Variants in FAAP20 observed in about 807,000 individuals in gnomAD.
FAAP20 encodes Fanconi anemia core complex-associated protein 20.
FAAP20 carries 12 observed loss-of-function variants against 16.2 expected under a neutral mutation model. The ratio of observed to expected loss-of-function variants is 0.74; its 90% CI spans 0.48 to 1.20. The LOEUF (loss-of-function observed/expected upper bound fraction) is 1.20. FAAP20 is among the 50% of genes most tolerant of loss of function. The pLI is 0.00. For synonymous variants in FAAP20, 141 were observed against 110.7 expected (o/e 1.27, Z -1.72); for missense variants, 288 against 245.8 (o/e 1.17, Z -1.15).
upstream of FAAP20, chr1:2,198,450 C>T (rs1229461390): frequency 7.7e-6 from 3 of 387,452 alleles, no homozygotes; most frequent in African/African-American, 2.1e-5. Context: ...GTCAGGGAGC[C>T]AGGCCTCTCC....
At chr1:2,185,043 T>C, downstream of FAAP20, 1 of 1,565,562 alleles carries the variant, frequency 6.4e-7, no homozygotes, top group East Asian at 2.3e-5. Flanking sequence ...ACACGCGTGA[T>C]TGACCCTTTA....
chr1:2,187,297 C>A (rs1357582935), downstream of FAAP20: 2 of 368,066 alleles, frequency 5.4e-6, no homozygotes, highest in Non-Finnish European at 1.1e-5. Context: ...TTTTTTTTTT[C>A]TTTTTCTTTT....
downstream of FAAP20, among the ~76,000 whole-genome samples, chr1:2,208,057 CCAAGG>C: frequency 6.6e-6 from 1 of 152,288 alleles, no homozygotes; most frequent in Middle Eastern, 3.4e-3. Flanking sequence ...GGGCTGGACA[CCAAGG>C]CCCGTCTTGG....
At chr1:2,187,014 A>G (rs1234325515), downstream of FAAP20, 1 of 310,816 alleles carries the variant, frequency 3.2e-6, no homozygotes, top group Non-Finnish European at 6.9e-6. Context: ...ATATTTGCTA[A>G]TGGCTCCGGT....
chr1:2,185,161 T>G, downstream of FAAP20: 1 of 778,838 alleles, frequency 1.3e-6, no homozygotes, highest in Admixed American at 2.1e-5. Context: ...CAGCGGGCGC[T>G]GCTGGGAGCA....
chr1:2,192,878 G>A (rs1176253505), intron 3 of FAAP20: 1 of 1,298,216 alleles, frequency 7.7e-7, no homozygotes, highest in Non-Finnish European at 1.0e-6. Context: ...GGGATTACAG[G>A]CGTGAGCCAC....
At chr1:2,211,933 T>C (rs865996842), downstream of FAAP20, among the ~76,000 whole-genome samples, 159 of 138,974 alleles carry the variant, frequency 1.1e-3, no homozygotes, top group South Asian at 1.6e-3. Flanking sequence ...GACGGAGTCT[T>C]GCTTTGTCGC....
At chr1:2,205,507 C>G (rs908357479) in intron 3 of FAAP20, among the ~76,000 whole-genome samples, 1 of 151,946 alleles carries the variant, frequency 6.6e-6, no homozygotes, top group African/African-American at 2.4e-5. Flanking sequence ...CCAGGGCGAG[C>G]GCGCTTCCGG....
upstream of FAAP20, among the ~76,000 whole-genome samples, chr1:2,202,414 C>T (rs897103262): frequency 6.6e-6 from 1 of 152,208 alleles, no homozygotes; most frequent in African/African-American, 2.4e-5. Context: ...TCTCGATTCA[C>T]TGCAACCTCC....
chr1:2,194,560 G>T, intron 1 of FAAP20, 128 bp downstream of exon 1: 1 of 366,168 alleles, frequency 2.7e-6, no homozygotes, highest in Non-Finnish European at 4.2e-6. Context: ...GGCGACGGGC[G>T]TGGGGGCCGG....
chr1:2,198,809 G>A (rs924799672), upstream of FAAP20: 4 of 1,289,574 alleles, frequency 3.1e-6, no homozygotes, highest in African/African-American at 6.1e-5. Context: ...GCCAGGAACT[G>A]GGCTGTGCTC....
At chr1:2,200,845 G>A, upstream of FAAP20, 1 of 1,054,648 alleles carries the variant, frequency 9.5e-7, no homozygotes, top group East Asian at 8.7e-5. Context: ...GGTCCTCCAA[G>A]TGGGCCAGGA....
At chr1:2,208,689 C>T (rs767314727), downstream of FAAP20, among the ~76,000 whole-genome samples, 7 of 152,178 alleles carry the variant, frequency 4.6e-5, no homozygotes, top group East Asian at 1.9e-4. Flanking sequence ...TCGGCCAGAG[C>T]GGGTAAGCCT....
rs779987524 is a variant in FAAP20, at chr1:2,189,761, TC to T, written c.490del (p.Asp164ThrfsTer15). ...FAPRLTQLDV[D>X]SHLAQCLAES... ...GGCCAAGCACTGGGCCAGGTGGCTG[TC>T]AACATCCAGCTGGGTCAGCCTGCAA... On this transcript the variant is annotated frameshift_variant, in exon 4 of 4. Coordinates refer to ENST00000378546, the MANE Select transcript of FAAP20 (RefSeq NM_182533.4). LOFTEE classifies it high-confidence loss of function. The T allele has an allele frequency of 6.2e-7, 1 of 1,612,626 alleles. No individual in the cohort carries two copies.
chr1:2,203,045 A>G (rs1689108276), upstream of FAAP20, among the ~76,000 whole-genome samples: 1 of 152,222 alleles, frequency 6.6e-6, no homozygotes, highest in African/African-American at 2.4e-5. Flanking sequence ...CGAGTGGGAC[A>G]CTGGCTGAGA....
At chr1:2,198,007 C>G (rs1000062211), upstream of FAAP20, 15 of 1,289,482 alleles carry the variant, frequency 1.2e-5, no homozygotes, top group African/African-American at 6.1e-5. Flanking sequence ...ACAAACATAC[C>G]TTGTCCTGCC....
chr1:2,192,694 G>T, intron 3 of FAAP20: 5 of 1,189,042 alleles, frequency 4.2e-6, no homozygotes, highest in Non-Finnish European at 5.4e-6. Context: ...CTTCACTACA[G>T]CCTCCAATTC....
downstream of FAAP20, among the ~76,000 whole-genome samples, chr1:2,210,254 C>T (rs1056970293): frequency 2.0e-5 from 3 of 152,200 alleles, no homozygotes; most frequent in Non-Finnish European, 4.4e-5. Context: ...ATGTGAGCCT[C>T]GAAACCACCT....
chr1:2,201,211 C>A, upstream of FAAP20: 2 of 1,217,980 alleles, frequency 1.6e-6, no homozygotes, highest in African/African-American at 1.6e-5. Context: ...CCATCCAACG[C>A]CTCCCTCGCT....
Sources: allele counts gnomAD v4.1 joint callset (sites outside exome capture counted in the v4.1 genomes callset), GRCh38; gene constraint gnomAD v4.1.1; transcripts MANE v1.5; gene names NCBI Gene and HGNC (gene_info 2026-07-23, HGNC 2026-07-21).